The following ADAP1 variants were observed in gnomAD, a reference collection of about 807,000 sequenced individuals.
ADAP1 encodes arf-GAP with dual PH domain-containing protein 1.
ADAP1 carries 31 observed loss-of-function variants against 54.9 expected under a neutral mutation model. The ratio of observed to expected loss-of-function variants is 0.56; its 90% CI spans 0.42 to 0.76. ADAP1 has a LOEUF of 0.76. Ranked by LOEUF, ADAP1 falls within the 30% of genes least tolerant of loss-of-function variation. ADAP1 has a pLI of 0.00. For synonymous variants in ADAP1, 313 were observed against 202.6 expected (o/e 1.55, Z -4.63); for missense variants, 535 against 512.4 (o/e 1.04, Z -0.42).
At chr7:942,172 C>T (rs1846954599) in intron 1 of ADAP1, among the ~76,000 whole-genome samples, 1 of 152,186 alleles carries the variant, frequency 6.6e-6, no homozygotes, top group Non-Finnish European at 1.5e-5. Context: ...AAGGTAAAAC[C>T]TAAAGCCATA....
rs550346150 is a variant in ADAP1, at chr7:933,825, G to A, written c.213+1550C>T. Among the ~76,000 whole-genome samples, 262 of 42,404 alleles carry A rather than the reference G, an allele frequency of 6.2e-3. 18 individuals carry two copies. The highest frequency in any genetic ancestry group is 7.6e-3 in the Non-Finnish European group (159 of 21,032). 27.8% of individuals were successfully genotyped at this position (42,404 alleles called of 152,430 possible). A position where few individuals can be genotyped will look rare whatever the true frequency, so the allele number is the denominator to read the frequency against. On this transcript the variant is annotated intron_variant, in intron 2 of 10. Coordinates refer to ENST00000265846, the MANE Select transcript of ADAP1 (RefSeq NM_006869.4). ...CCGGGGTCAGTGGTGGTGCAGAGCC[G>A]GGGACCGGGGTCAGTGGTGGTGCAG... is the stretch of plus-strand genomic sequence containing the variant.
chr7:924,609 T>C (rs1265684634), intron 3 of ADAP1, among the ~76,000 whole-genome samples: 1 of 141,458 alleles, frequency 7.1e-6, no homozygotes, highest in Non-Finnish European at 1.5e-5. Context: ...ACTGCACCCC[T>C]GCCATGCCCC....
At chr7:909,930 G>T (rs1485109210) in intron 4 of ADAP1, among the ~76,000 whole-genome samples, 3 of 152,208 alleles carry the variant, frequency 2.0e-5, no homozygotes, top group African/African-American at 7.2e-5. Flanking sequence ...TGTCCCACCT[G>T]TGGGGAGCTG....
At chr7:916,623 C>G (rs768891585) in intron 4 of ADAP1, among the ~76,000 whole-genome samples, 3 of 152,144 alleles carry the variant, frequency 2.0e-5, no homozygotes, top group Admixed American at 6.5e-5. Context: ...CAGGTGCCCG[C>G]GTGTTCATCC....
rs747224617 is a variant in ADAP1 at position 900,634 on chromosome 7, C to T, written c.649-18G>A. The T allele has an allele frequency of 2.5e-6, 4 of 1,581,874 alleles. No homozygotes were observed. The highest frequency in any genetic ancestry group is 3.7e-4 in the Middle Eastern group (2 of 5,476). ...ACAATCTCCTAGGGGCAAAGGTGGGCACAGGCTTGGGCTGAGGAGGCTGCA... is the reference window on the plus strand; with the variant it reads ...ACAATCTCCTAGGGGCAAAGGTGGGTACAGGCTTGGGCTGAGGAGGCTGCA... On this transcript the variant is annotated intron_variant, in intron 6 of 10. Transcript: ENST00000265846.
intron 4 of ADAP1, among the ~76,000 whole-genome samples, chr7:917,353 A>T (rs1465182158): frequency 7.3e-6 from 1 of 137,322 alleles, no homozygotes; most frequent in Non-Finnish European, 1.6e-5. Context: ...AGGGGGGCGC[A>T]GTGCCAGCTC....
At chr7:947,699 G>A (rs947458943) in intron 1 of ADAP1, among the ~76,000 whole-genome samples, 11 of 151,898 alleles carry the variant, frequency 7.2e-5, no homozygotes, top group Non-Finnish European at 1.3e-4. Flanking sequence ...ACCGCCACCC[G>A]GCCTCGGTCA....
upstream of ADAP1, chr7:954,833 G>T (rs1847349156): frequency 1.3e-5 from 8 of 610,736 alleles, no homozygotes; most frequent in Non-Finnish European, 1.4e-5. Flanking sequence ...ATCGCCCGCC[G>T]CCCGCCCCCC....
intron 4 of ADAP1, among the ~76,000 whole-genome samples, chr7:906,757 G>GT (rs1845454256): frequency 2.2e-5 from 1 of 45,608 alleles, no homozygotes; most frequent in Non-Finnish European, 4.4e-5. Flanking sequence ...AGGGGACATG[G>GT]ACAGGGGACA....
chr7:910,731 G>A (rs1290036528), intron 4 of ADAP1, among the ~76,000 whole-genome samples: 1 of 152,230 alleles, frequency 6.6e-6, no homozygotes, highest in Non-Finnish European at 1.5e-5. Context: ...TCTGGGGTGG[G>A]AACTGCATCC....
intron 4 of ADAP1, among the ~76,000 whole-genome samples, chr7:915,229 A>ACCTGCACACCTCGCCTGCACACCTCG (rs6149952): frequency 4.0e-5 from 6 of 150,642 alleles, no homozygotes; most frequent in Non-Finnish European, 8.9e-5. Flanking sequence ...CTGCACTCAC[A>ACCTGCACACCTCGCCTGCACACCTCG]CCTGCACACC....
At chr7:939,011 A>G (rs986068048) in intron 1 of ADAP1, among the ~76,000 whole-genome samples, 4 of 152,076 alleles carry the variant, frequency 2.6e-5, no homozygotes, top group African/African-American at 7.2e-5. Context: ...GCCTGTTCAC[A>G]GAACCCAGGG....
rs1184051012 is a variant in ADAP1, at chr7:926,125, A to G, written c.305+428T>C. 2.0e-5 allele frequency among the ~76,000 whole-genome samples: 3 copies of G among 151,978 alleles called. No homozygotes were observed. The highest frequency in any genetic ancestry group is 4.4e-5 in the Non-Finnish European group (3 of 67,976). ...AACCTCCCGATCCCAGGATGCTCAG[A>G]GGACTGGGTCTCAGGCTTCCCCAAC... On this transcript the variant is annotated intron_variant, in intron 3 of 10. Transcript: ENST00000265846. The surrounding 1 kb of genome is among the most constrained non-coding windows in gnomAD (Gnocchi z 4.6).
chr7:922,611 T>C (rs3808341), intron 3 of ADAP1, among the ~76,000 whole-genome samples: 42,988 of 151,974 alleles, frequency 0.28, 6,362 homozygotes, highest in African/African-American at 0.34. Flanking sequence ...TGAGTGTGCC[T>C]TCTGCCCGAG....
chr7:916,373 C>A (rs755366143), intron 4 of ADAP1, among the ~76,000 whole-genome samples: 3 of 152,188 alleles, frequency 2.0e-5, no homozygotes, highest in Non-Finnish European at 2.9e-5. Flanking sequence ...TGCTGACACC[C>A]AGTGAAGTTG....
At chr7:906,808 G>A (rs1562915839) in intron 4 of ADAP1, among the ~76,000 whole-genome samples, 1 of 142,986 alleles carries the variant, frequency 7.0e-6, no homozygotes, top group Non-Finnish European at 1.5e-5. Context: ...GGGGACATGG[G>A]GGGACATGGG....
intron 1 of ADAP1, among the ~76,000 whole-genome samples, chr7:950,871 A>C (rs1003999618): frequency 3.3e-5 from 5 of 151,254 alleles, no homozygotes; most frequent in Admixed American, 1.3e-4. Flanking sequence ...AAAAAAAAAA[A>C]AAAAAAACAA....
chr7:931,408 A>C (rs1012780092), intron 2 of ADAP1, among the ~76,000 whole-genome samples: 35 of 152,214 alleles, frequency 2.3e-4, no homozygotes, highest in African/African-American at 8.0e-4. Flanking sequence ...GAAAGGAACG[A>C]AGCTGTCACA....
chr7:905,009 C>G (rs370543452), intron 5 of ADAP1, 51 bp downstream of exon 5: 1 of 1,541,654 alleles, frequency 6.5e-7, no homozygotes, highest in East Asian at 2.2e-5. Flanking sequence ...TGTGGGAGGC[C>G]GGGATGCCGC....
Sources: allele counts gnomAD v4.1 joint callset (sites outside exome capture counted in the v4.1 genomes callset), GRCh38; gene constraint gnomAD v4.1.1; non-coding constraint Gnocchi (gnomAD v3.1); transcripts MANE v1.5; gene names NCBI Gene and HGNC (gene_info 2026-07-23, HGNC 2026-07-21).